Variants in CDCA7 observed in about 807,000 individuals in gnomAD.
The protein encoded by CDCA7 is cell division cycle associated 7.
In CDCA7, 28 loss-of-function variants were observed where a neutral mutation model predicts 54.0. That is an observed-to-expected ratio of 0.52 (90% CI 0.38 to 0.71). The LOEUF is 0.71. Ranked by LOEUF, CDCA7 falls within the 30% of genes least tolerant of loss-of-function variation. The pLI, the probability that CDCA7 is intolerant of heterozygous loss-of-function variation, is 0.00. For synonymous variants in CDCA7, 180 were observed against 208.2 expected (o/e 0.86, Z 1.16); for missense variants, 484 against 586.0 (o/e 0.83, Z 1.80).
In CDCA7 at chr2:173,359,296, T is replaced by C. The variant is rs757038223; in HGVS notation, c.189T>C (p.Asn63=). 1 of 1,614,192 alleles carries C rather than the reference T, an allele frequency of 6.2e-7. No homozygotes were observed. The highest frequency in any genetic ancestry group is 8.5e-7 in the Non-Finnish European group (1 of 1,180,026). The change falls in exon 3 of 10, where the codon AAT becomes AAC. Residue 63 remains asparagine, a synonymous_variant. Transcript: ENST00000306721. ...FRSDISEELA[N]VFYEDSDNES... is the part of the protein sequence containing the mutation. ...CAGATATCAGTGAAGAACTGGCAAA[T>C]GTTTTTTATGAGGACTCTGATAATG...
chr2:173,367,273 G>T lies in CDCA7; in HGVS notation c.1309G>T (p.Ala437Ser), dbSNP rs995491646. Residue 437 changes from alanine (A) to serine (S), a missense_variant, in exon 9 of 10, where the codon GCC becomes TCC. Transcript: ENST00000306721. ...AKYHGFGNVH[A>S]YLKSLKQEFE... is the part of the protein sequence containing the mutation. The stretch of plus-strand genomic sequence containing the variant: ...ATATCATGGCTTTGGGAATGTGCAT[G>T]CCTACTTGAAAAGGTAGTGGGTGTT... 3.5e-5 allele frequency: 56 copies of T among 1,613,994 alleles called. No individual in the cohort carries two copies. The highest frequency in any genetic ancestry group is 4.6e-5 in the Non-Finnish European group (54 of 1,180,022).
At chr2:173,364,151 C>G (rs1686673991) in intron 5 of CDCA7, 4 of 355,510 alleles carry the variant, frequency 1.1e-5, no homozygotes, top group Non-Finnish European at 2.0e-5. Flanking sequence ...GACTAAGCCC[C>G]TCATGGGCAG....
chr2:173,367,809 G>T lies in CDCA7; in HGVS notation c.*145G>T, dbSNP rs1686751806. ...CAATCAAGTTAATCTTAGCAGACAT[G>T]TGTTTCTGGAGCATCACAGAAGGTA... On this transcript the variant is annotated 3_prime_UTR_variant, in exon 10 of 10. Coordinates refer to ENST00000306721, the MANE Select transcript of CDCA7 (RefSeq NM_031942.5). 1.1e-6 allele frequency: 1 copy of T among 898,174 alleles called. No individual in the cohort carries two copies. Among genetic ancestry groups the T allele is most frequent in the African/African-American group, 1.7e-5 (1 of 59,940 alleles). 55.6% of individuals were successfully genotyped at this position (898,174 alleles called of 1,614,324 possible).
chr2:173,362,286 G>A (rs1370365257), intron 3 of CDCA7, among the ~76,000 whole-genome samples: 1 of 152,174 alleles, frequency 6.6e-6, no homozygotes, highest in East Asian at 1.9e-4. Flanking sequence ...ATAGGATGAT[G>A]GTTGCCAGGG....
chr2:173,365,472 C>G lies in CDCA7; in HGVS notation c.915C>G (p.Ser305Arg). The G allele has an allele frequency of 6.2e-7, 1 of 1,613,746 alleles. No homozygotes were observed. Among genetic ancestry groups the G allele is most frequent in the Non-Finnish European group, 8.5e-7 (1 of 1,179,808 alleles). The change falls in exon 7 of 10, where the codon AGC becomes AGG. Residue 305 changes from serine (S) to arginine (R), a missense_variant. By Grantham distance (110) the Ser-to-Arg change is moderately radical (BLOSUM62 -1). Around this residue, in one of 3 missense-constraint regions of CDCA7, gnomAD observed 398 missense variants for 447.4 expected, o/e 0.89. Transcript: ENST00000306721. The stretch of plus-strand genomic sequence containing the variant: ...TGCAGGAAGATGACCTGCCCAGAAG[C>G]CGTCGCTCCAGATCATCCGTGACCC... ...GYMNEDDLPR[S>R]RRSRSSVTLP...
intron 3 of CDCA7, among the ~76,000 whole-genome samples, chr2:173,362,990 C>T (rs1686651225): frequency 6.6e-6 from 1 of 152,108 alleles, no homozygotes; most frequent in African/African-American, 2.4e-5. Flanking sequence ...AGGCTCAGAA[C>T]CACAGGCCTA....
Position 173,367,405 on chromosome 2 carries a change from C to T in CDCA7, c.1322+119C>T, listed in dbSNP as rs114810156. 2.4e-4 allele frequency: 348 copies of T among 1,460,190 alleles called. 2 individuals carry two copies. Among genetic ancestry groups the T allele is most frequent in the Middle Eastern group, 1.8e-3 (8 of 4,352 alleles). 90.5% of individuals were successfully genotyped at this position (1,460,190 alleles called of 1,614,324 possible). ...CTGGCGGGGTGGAGACTGACTGGAACGGGGCACACTGGAAGGGATGGGAAC... is the reference window on the plus strand; with the variant it reads ...CTGGCGGGGTGGAGACTGACTGGAATGGGGCACACTGGAAGGGATGGGAAC... On this transcript the variant is annotated intron_variant, in intron 9 of 9. Transcript: ENST00000306721.
At position 173,368,596 on chromosome 2, in the gene CDCA7, A is replaced by AAAAGTGCT. The variant is rs1686764611; in HGVS notation, c.*932_*933insAAAGTGCT. 2.0e-5 allele frequency: 3 copies of AAAAGTGCT among 152,234 alleles called. No individual in the cohort carries two copies. The East Asian group carries it at 5.8e-4, about 29-fold the overall frequency. 9.4% of individuals were successfully genotyped at this position (152,234 alleles called of 1,614,324 possible). A position where few individuals can be genotyped will look rare whatever the true frequency, so the allele number is the denominator to read the frequency against. Reference sequence around the variant, plus strand: ...TCAAGTTTAGATTTTAAGCACTTTTATAACAATGATAAGTGCCTTTTTGGA... The same window carrying AAAAGTGCT: ...TCAAGTTTAGATTTTAAGCACTTTTAAAAGTGCTTAACAATGATAAGTGCCTTTTTGGA... On this transcript the variant is annotated 3_prime_UTR_variant, in exon 10 of 10. Transcript: ENST00000306721.
chr2:173,356,913 G>C (rs1686517885), intron 1 of CDCA7, among the ~76,000 whole-genome samples: 1 of 152,192 alleles, frequency 6.6e-6, no homozygotes, highest in African/African-American at 2.4e-5. Flanking sequence ...GTTTACTTAG[G>C]GGTATAGGGA....
intron 1 of CDCA7, among the ~76,000 whole-genome samples, chr2:173,355,387 A>C (rs968980901): frequency 1.3e-5 from 2 of 151,426 alleles, no homozygotes; most frequent in African/African-American, 4.9e-5. Flanking sequence ...CCCGCACACA[A>C]CTCGGAGCCA....
Position 173,364,792 on chromosome 2 carries a change from T to C in CDCA7, c.700-3T>C, listed in dbSNP as rs374816306. ...TGGATTCCCTTATACGTGCTTTGTT[T>C]AGCAATCAAGGAGACCGCGAAGGCG... is the stretch of plus-strand genomic sequence containing the variant. On this transcript the variant is annotated splice_polypyrimidine_tract_variant and splice_region_variant and intron_variant, in intron 5 of 9. Transcript: ENST00000306721. 2 of 1,594,602 alleles carry C rather than the reference T, an allele frequency of 1.3e-6. No homozygotes were observed. Among genetic ancestry groups the C allele is most frequent in the African/African-American group, 1.4e-5 (1 of 73,764 alleles).
intron 1 of CDCA7, among the ~76,000 whole-genome samples, chr2:173,355,617 A>G (rs77565336): frequency 0.075 from 11,343 of 152,000 alleles, 504 homozygotes; most frequent in East Asian, 0.13. Context: ...TGGTGGGTCA[A>G]AGCGTTCGCC....
chr2:173,366,358 G>T lies in CDCA7; in HGVS notation c.1111G>T (p.Val371Phe). The change falls in exon 8 of 10, where the codon GTT becomes TTT. Residue 371 changes from valine to phenylalanine, a missense_variant. Around this residue, in one of 3 missense-constraint regions of CDCA7, gnomAD observed 83 missense variants for 122.3 expected, o/e 0.68. Coordinates refer to ENST00000306721, the MANE Select transcript of CDCA7 (RefSeq NM_031942.5). The surrounding 1 kb of genome is among the most constrained non-coding windows in gnomAD (Gnocchi z 4.5). ...CTGCAGAAACCCAGACTGCTGGGGC[G>T]TTCGAGGCCAGTTCTGTGGCCCCTG... ...TNCRNPDCWG[V>F]RGQFCGPCLR... 1 of 1,614,084 alleles carries T rather than the reference G, an allele frequency of 6.2e-7. No individual in the cohort carries two copies. Among genetic ancestry groups the T allele is most frequent in the Non-Finnish European group, 8.5e-7 (1 of 1,180,020 alleles).
In CDCA7 at chr2:173,359,359, T is replaced by C; in HGVS notation, c.252T>C (p.Asp84=). ...GCTTTTCAGAAAGTGAGGTGCAAGA[T>C]GTATTAGACCATTGTGGATTTTTAC... ...FCGFSESEVQ[D]VLDHCGFLQK... is the part of the protein sequence containing the mutation. The change falls in exon 3 of 10, where the codon GAT becomes GAC. Residue 84 remains aspartate (D), a synonymous_variant. Transcript: ENST00000306721. 6.2e-7 allele frequency: 1 copy of C among 1,614,208 alleles called. No individual in the cohort carries two copies. The highest frequency in any genetic ancestry group is 2.2e-5 in the East Asian group (1 of 44,878).
intron 3 of CDCA7, among the ~76,000 whole-genome samples, chr2:173,361,019 T>C (rs1686611033): frequency 6.6e-6 from 1 of 152,170 alleles, no homozygotes. Flanking sequence ...ATTAGCCCGT[T>C]GTGGATATTT....
At position 173,354,887 on chromosome 2, in the gene CDCA7, C is replaced by T. The variant is rs1686462819; in HGVS notation, c.-77C>T. Reference sequence around the variant, plus strand: ...TGCCAGCCGCGCTGCTGCTGCTCCTCCTGCTGTGGGACCGCTGACCGCGCG... The same window carrying T: ...TGCCAGCCGCGCTGCTGCTGCTCCTTCTGCTGTGGGACCGCTGACCGCGCG... On this transcript the variant is annotated 5_prime_UTR_variant, in exon 1 of 10. Coordinates refer to ENST00000306721, the MANE Select transcript of CDCA7 (RefSeq NM_031942.5). 1.4e-6 allele frequency: 2 copies of T among 1,451,732 alleles called. No homozygotes were observed. The highest frequency in any genetic ancestry group is 1.8e-6 in the Non-Finnish European group (2 of 1,103,340). 89.9% of individuals were successfully genotyped at this position (1,451,732 alleles called of 1,614,324 possible).
At chr2:173,356,597 C>A (rs967328945) in intron 1 of CDCA7, among the ~76,000 whole-genome samples, 2 of 152,132 alleles carry the variant, frequency 1.3e-5, no homozygotes, top group Non-Finnish European at 2.9e-5. Context: ...TGCAGCCTAC[C>A]GGGCTCAAGC....
At chr2:173,355,164 G>T (rs1383317190) in intron 1 of CDCA7, among the ~76,000 whole-genome samples, 180 bp downstream of exon 1, 2 of 152,226 alleles carry the variant, frequency 1.3e-5, no homozygotes, top group Non-Finnish European at 2.9e-5. Context: ...GGGCCATGGG[G>T]ACGTTCCTGC....
chr2:173,360,235 G>T (rs1266434435), intron 3 of CDCA7, among the ~76,000 whole-genome samples: 1 of 152,218 alleles, frequency 6.6e-6, no homozygotes, highest in Admixed American at 6.5e-5. Context: ...GCCTGGCCAA[G>T]GAGTGTTTTG....
Sources: gnomAD v4.1 joint callset for allele counts (sites outside exome capture counted in the v4.1 genomes callset) on GRCh38, gnomAD v4.1.1 for gene constraint, gnomAD v4.1.1 regional missense constraint, Gnocchi (gnomAD v3.1) non-coding constraint, MANE v1.5 for transcripts, NCBI Gene and HGNC (gene_info 2026-07-23, HGNC 2026-07-21) for gene names.